DNAH10: variants seen among roughly 807,000 people sequenced by gnomAD.
DNAH10 encodes axonemal beta dynein heavy chain 10.
A neutral mutation model predicts 506.6 loss-of-function variants in DNAH10; 348 were observed. The ratio of observed to expected loss-of-function variants is 0.69; its 90% CI spans 0.63 to 0.75. DNAH10 has a LOEUF of 0.75. Among genes scored for constraint, DNAH10 ranks in the 30% least tolerant of loss-of-function variants. The pLI, the probability that DNAH10 is intolerant of heterozygous loss-of-function variation, is 0.00. For missense variants in DNAH10, 5,179 were observed against 5,787.1 expected, an observed-to-expected ratio of 0.89 and a Z score of 3.41; for synonymous variants, 2,059 against 2,198.6, an observed-to-expected ratio of 0.94 and a Z score of 1.78.
intron 58 of DNAH10, among the ~76,000 whole-genome samples, chr12:123,910,030 CTG>C (rs1418464282): frequency 2.6e-5 from 4 of 152,244 alleles, no homozygotes; most frequent in South Asian, 2.1e-4. Flanking sequence ...CAAGTTAACG[CTG>C]TGTTTGATGG....
intron 21 of DNAH10, among the ~76,000 whole-genome samples, chr12:123,814,913 G>A (rs187957112): frequency 1.4e-3 from 206 of 152,248 alleles, no homozygotes; most frequent in African/African-American, 4.4e-3. Flanking sequence ...CACCGCGCCC[G>A]GCCTAGCCAG....
intron 5 of DNAH10, among the ~76,000 whole-genome samples, chr12:123,774,757 G>A (rs931179065): frequency 3.9e-5 from 6 of 152,222 alleles, no homozygotes; most frequent in Admixed American, 6.5e-5. Context: ...GGTGTTCCTT[G>A]CCCTCATTCC....
chr12:123,864,528 G>GT, intron 39 of DNAH10, 67 bp from the exon 40 acceptor site: 1 of 1,571,664 alleles, frequency 6.4e-7, no homozygotes, highest in Non-Finnish European at 8.6e-7. Flanking sequence ...GAATGGGCAG[G>GT]TTATACCAAG....
chr12:123,813,483 G>T lies in DNAH10; in HGVS notation c.3464G>T (p.Arg1155Leu), dbSNP rs143713799. 1 of 1,614,162 alleles carries T rather than the reference G, an allele frequency of 6.2e-7. No individual in the cohort carries two copies. Among genetic ancestry groups the T allele is most frequent in the Non-Finnish European group, 8.5e-7 (1 of 1,180,030 alleles). ...TCCAAGATAGCTTATGAGGTTATGC[G>T]CCACCCTCTAATTAAGGATGAGCAT... The part of the protein sequence containing the change: ...FYSKIAYEVM[R>L]HPLIKDEHCI... The change falls in exon 20 of 79, where the codon CGC (arginine) becomes CTC (leucine). Residue 1155 changes from arginine (R) to leucine (L), a missense_variant. Around this residue, in one of 3 missense-constraint regions of DNAH10, gnomAD observed 4,844 missense variants for 5,430.5 expected, o/e 0.89. Transcript: ENST00000673944.
chr12:123,818,869 G>C (rs1338531644), intron 21 of DNAH10, 81 bp from the exon 22 acceptor site: 2 of 928,768 alleles, frequency 2.2e-6, no homozygotes, highest in Admixed American at 4.3e-5. Flanking sequence ...GAAGTCCCTG[G>C]GAGGTAACTT....
In DNAH10 at chr12:123,845,613, C is replaced by G. The variant is rs1172164925; in HGVS notation, c.5374C>G (p.Leu1792Val). 8.1e-6 allele frequency: 13 copies of G among 1,613,008 alleles called. No homozygotes were observed. Among genetic ancestry groups the G allele is most frequent in the Non-Finnish European group, 1.1e-5 (13 of 1,179,864 alleles). The change falls in exon 31 of 79, where the codon CTC becomes GTC. Residue 1792 changes from leucine to valine, a missense_variant. By Grantham distance (32) the Leu-to-Val change is conservative. Around this residue, in one of 3 missense-constraint regions of DNAH10, gnomAD observed 4,844 missense variants for 5,430.5 expected, o/e 0.89. Transcript: ENST00000673944. ...CGTTTTCTGCAGAGTCGACTGGATG[C>G]TCCTGTACCAGGGCATGGTGGTGCT... Reference protein sequence around the residue: ...CEDRSRVDWMLLYQGMVVLAA... With the variant: ...CEDRSRVDWMVLYQGMVVLAA...
In DNAH10 at chr12:123,903,671, G is replaced by A. The variant is rs1039307866; in HGVS notation, c.9815+558G>A. On this transcript the variant is annotated intron_variant, in intron 57 of 78. Transcript: ENST00000673944. This position sits in a 1 kb window ranked among gnomAD's most constrained non-coding sequence, Gnocchi z 4.6. ...CTCATCTGCTGTCAGCGAGGGTAAC[G>A]TGGTGTGGCGTGGGCTAACAAGCTT... Among the ~76,000 whole-genome samples the A allele has an allele frequency of 3.3e-5, 5 of 152,174 alleles. No individual in the cohort carries two copies. Among genetic ancestry groups the A allele is most frequent in the Non-Finnish European group, 7.4e-5 (5 of 68,024 alleles).
chr12:123,906,231 C>T lies in DNAH10; in HGVS notation c.9816-3030C>T, dbSNP rs554564130. Among the ~76,000 whole-genome samples the T allele has an allele frequency of 2.6e-5, 4 of 150,958 alleles. No individual in the cohort carries two copies. The East Asian group carries it at 7.9e-4, about 30-fold the overall frequency. The stretch of plus-strand genomic sequence containing the variant: ...ACAGGAGTGAGCCACTGCGCCCGGC[C>T]TTTGTGGCTTTTTTTAAATTTATTT... On this transcript the variant is annotated intron_variant, in intron 57 of 78. Coordinates refer to ENST00000673944, the MANE Select transcript of DNAH10 (RefSeq NM_001372106.1).
Position 123,786,952 on chromosome 12 carries a change from A to G in DNAH10, c.1422-852A>G, listed in dbSNP as rs931481159. 2.6e-5 allele frequency among the ~76,000 whole-genome samples: 4 copies of G among 152,288 alleles called. 1 individual carries two copies. The East Asian group carries it at 7.7e-4, about 29-fold the overall frequency. ...CAGGAGTTCAAGACCAGCCTGGCCA[A>G]CATGGTGAAATCCTGTCTCAACTGA... On this transcript the variant is annotated intron_variant, in intron 9 of 78. Transcript: ENST00000673944.
intron 18 of DNAH10, 145 bp from the exon 19 acceptor site, chr12:123,808,652 C>A: frequency 1.3e-6 from 1 of 755,976 alleles, no homozygotes; most frequent in Non-Finnish European, 2.2e-6. Flanking sequence ...TTAAGTAAGA[C>A]TCACCCCAGC....
At position 123,803,830 on chromosome 12, in the gene DNAH10, A is replaced by G. The variant is rs200269572; in HGVS notation, c.2779+5A>G. Reference sequence around the variant, plus strand: ...AAAGTGAGGAAGAACTCCCAGGTAGATCTGACTTCTGGGTTCTCCAGTTAT... The same window carrying G: ...AAAGTGAGGAAGAACTCCCAGGTAGGTCTGACTTCTGGGTTCTCCAGTTAT... On this transcript the variant is annotated splice_donor_5th_base_variant and intron_variant, in intron 17 of 78. Coordinates refer to ENST00000673944, the MANE Select transcript of DNAH10 (RefSeq NM_001372106.1). 77 of 1,608,832 alleles carry G rather than the reference A, an allele frequency of 4.8e-5. No homozygotes were observed. The East Asian group carries it at 1.4e-3, about 29-fold the overall frequency.
chr12:123,903,237 C>T lies in DNAH10; in HGVS notation c.9815+124C>T, dbSNP rs1594332975. ...CCACATGCTGCCACTGTGCCTGGCT[C>T]TCTCCATGGTGGAGACTGTTGTTGC... is the stretch of plus-strand genomic sequence containing the variant. On this transcript the variant is annotated intron_variant, in intron 57 of 78. Coordinates refer to ENST00000673944, the MANE Select transcript of DNAH10 (RefSeq NM_001372106.1). This position sits in a 1 kb window ranked among gnomAD's most constrained non-coding sequence, Gnocchi z 4.6. 9 of 1,285,482 alleles carry T rather than the reference C, an allele frequency of 7.0e-6. No homozygotes were observed. In the East Asian group the frequency reaches 1.8e-4, roughly 26 times the overall value. 79.6% of individuals were successfully genotyped at this position (1,285,482 alleles called of 1,614,324 possible).
intron 60 of DNAH10, among the ~76,000 whole-genome samples, chr12:123,914,048 C>T (rs2137482325): frequency 6.6e-6 from 1 of 152,316 alleles, no homozygotes; most frequent in East Asian, 1.9e-4. Flanking sequence ...AACGTGATTA[C>T]TACTTAATAT....
chr12:123,776,394 A>G (rs1231369095), intron 5 of DNAH10, among the ~76,000 whole-genome samples: 1 of 152,032 alleles, frequency 6.6e-6, no homozygotes, highest in Admixed American at 6.6e-5. Flanking sequence ...GGAGTTTGAG[A>G]ACAGCCTGGG....
intron 52 of DNAH10, among the ~76,000 whole-genome samples, chr12:123,891,079 G>T (rs1027851481): frequency 1.3e-5 from 2 of 152,148 alleles, no homozygotes; most frequent in Admixed American, 6.5e-5. Context: ...TCACGGTGTC[G>T]GCAGAGCCCG....
chr12:123,879,787 A>C lies in DNAH10; in HGVS notation c.8620A>C (p.Lys2874Gln), dbSNP rs774436842. ...AGACATCCAGGACTACGAGGCGGCCAAGGCTCTGTTCCAGGTGGGGATGAG... is the reference window on the plus strand; with the variant it reads ...AGACATCCAGGACTACGAGGCGGCCCAGGCTCTGTTCCAGGTGGGGATGAG... ...YEDIQDYEAA[K>Q]ALFQEILEEY... The change falls in exon 50 of 79, where the codon AAG becomes CAG. Residue 2874 changes from lysine (K) to glutamine (Q), a missense_variant. Lys to Gln is a moderately conservative substitution (Grantham distance 53). Around this residue, in one of 3 missense-constraint regions of DNAH10, gnomAD observed 4,844 missense variants for 5,430.5 expected, o/e 0.89. Coordinates refer to ENST00000673944, the MANE Select transcript of DNAH10 (RefSeq NM_001372106.1). 108 of 1,613,908 alleles carry C rather than the reference A, an allele frequency of 6.7e-5. No homozygotes were observed. The highest frequency in any genetic ancestry group is 9.3e-5 in the African/African-American group (7 of 74,940).
At position 123,903,966 on chromosome 12, in the gene DNAH10, G is replaced by C. The variant is rs1953656160; in HGVS notation, c.9815+853G>C. On this transcript the variant is annotated intron_variant, in intron 57 of 78. Coordinates refer to ENST00000673944, the MANE Select transcript of DNAH10 (RefSeq NM_001372106.1). This position sits in a 1 kb window ranked among gnomAD's most constrained non-coding sequence, Gnocchi z 4.6. ...GAGGCTCCGTTCCTGGGTCAGTAAT[G>C]GGCTTCCATTCTGGGCTCCCGCTGG... Among the ~76,000 whole-genome samples, 2 of 152,188 alleles carry C rather than the reference G, an allele frequency of 1.3e-5. No individual in the cohort carries two copies. The highest frequency in any genetic ancestry group is 1.3e-4 in the Admixed American group (2 of 15,286).
chr12:123,912,973 A>G, intron 59 of DNAH10, 125 bp from the exon 60 acceptor site: 1 of 888,248 alleles, frequency 1.1e-6, no homozygotes, highest in South Asian at 1.8e-5. Context: ...AACATAGCAT[A>G]TAGAGGCTCT....
intron 47 of DNAH10, among the ~76,000 whole-genome samples, chr12:123,876,191 C>T (rs1952248811): frequency 6.6e-6 from 1 of 152,106 alleles, no homozygotes; most frequent in South Asian, 2.1e-4. Context: ...ACTATGAGCA[C>T]CTGGCCCGTT....
Sources: gnomAD v4.1 joint callset for allele counts (sites outside exome capture counted in the v4.1 genomes callset) on GRCh38, gnomAD v4.1.1 for gene constraint, gnomAD v4.1.1 regional missense constraint, Gnocchi (gnomAD v3.1) non-coding constraint, MANE v1.5 for transcripts, NCBI Gene and HGNC (gene_info 2026-07-23, HGNC 2026-07-21) for gene names.